Variants in TMC2 observed in about 807,000 individuals in gnomAD.
The protein encoded by TMC2 is transmembrane channel like 2.
TMC2 carries 102 observed loss-of-function variants against 105.9 expected under a neutral mutation model. The observed-to-expected ratio is 0.96, with a 90% CI of 0.82 to 1.14. The LOEUF (loss-of-function observed/expected upper bound fraction) is 1.14, where lower values mean the gene tolerates loss of function less well. Ranked by LOEUF, TMC2 falls within the 50% of genes most tolerant of loss-of-function variation. The pLI, the probability that TMC2 is intolerant of heterozygous loss-of-function variation, is 0.00. For missense variants in TMC2, 1,093 were observed against 1,134.3 expected (o/e 0.96, Z 0.52); for synonymous variants, 402 against 422.8 (o/e 0.95, Z 0.60).
At chr20:2,567,091 T>C (rs560820765) in intron 4 of TMC2, among the ~76,000 whole-genome samples, 1 of 152,130 alleles carries the variant, frequency 6.6e-6, no homozygotes, top group Non-Finnish European at 1.5e-5. Flanking sequence ...GGAGGCTGAG[T>C]GGGAAGCAGG....
intron 2 of TMC2, among the ~76,000 whole-genome samples, chr20:2,548,482 T>C (rs1372838706): frequency 6.6e-6 from 1 of 151,470 alleles, no homozygotes; most frequent in Non-Finnish European, 1.5e-5. Flanking sequence ...CTACTAAAAA[T>C]AGAAAATTAG....
intron 2 of TMC2, among the ~76,000 whole-genome samples, chr20:2,538,613 C>T (rs1021144386): frequency 6.6e-6 from 1 of 152,180 alleles, no homozygotes; most frequent in Non-Finnish European, 1.5e-5. Flanking sequence ...CTGTGCGGGA[C>T]TCCCCTGTGA....
chr20:2,635,979 C>A lies in TMC2; in HGVS notation c.2360C>A (p.Ala787Asp). The A allele has an allele frequency of 1.9e-6, 3 of 1,614,000 alleles. No homozygotes were observed. The highest frequency in any genetic ancestry group is 2.5e-6 in the Non-Finnish European group (3 of 1,179,902). ...SVSKSLSRANAQLRKKIQVLR... is the reference protein window; with the variant it reads ...SVSKSLSRANDQLRKKIQVLR... ...TCCAAAAGCCTTTCCCGAGCTAATG[C>A]CCAGCTGAGGAAGAAAATCCAAGTG... Residue 787 changes from alanine to aspartate, a missense_variant, in exon 18 of 20, where the codon GCC (alanine) becomes GAC (aspartate). Ala to Asp is a moderately radical substitution (Grantham distance 126). Transcript: ENST00000358864.
At chr20:2,537,227 C>A (rs771588752) in intron 1 of TMC2, 42 bp from the exon 2 acceptor site, 1 of 1,572,146 alleles carries the variant, frequency 6.4e-7, no homozygotes. Context: ...GAGGGGGACT[C>A]ACCAGAGGCC....
In TMC2 at chr20:2,602,221, G is replaced by A. The variant is rs1265790424; in HGVS notation, c.1333G>A (p.Gly445Arg). 6.2e-7 allele frequency: 1 copy of A among 1,613,478 alleles called. No homozygotes were observed. Among genetic ancestry groups the A allele is most frequent in the African/African-American group, 1.3e-5 (1 of 74,894 alleles). ...CATCATCTGCTGTTTGTGTGGAAGT[G>A]GGTACCTCATTTACTTTGTGGTTAA... ...FLIICCLCGS[G>R]YLIYFVVKRS... is the part of the protein sequence containing the mutation. Residue 445 changes from glycine to arginine, a missense_variant, in exon 11 of 20, where the codon GGG becomes AGG. Coordinates refer to ENST00000358864, the MANE Select transcript of TMC2 (RefSeq NM_080751.3).
chr20:2,583,948 G>A (rs879438759), intron 7 of TMC2, among the ~76,000 whole-genome samples: 2 of 152,070 alleles, frequency 1.3e-5, no homozygotes, highest in Non-Finnish European at 2.9e-5. Flanking sequence ...TAACATTTTA[G>A]GGTAATTTGT....
intron 2 of TMC2, among the ~76,000 whole-genome samples, chr20:2,545,629 T>G (rs565984082): frequency 1.3e-5 from 2 of 152,032 alleles, no homozygotes; most frequent in Non-Finnish European, 2.9e-5. Context: ...AGCAGTTAAT[T>G]ATGTAGTTTT....
chr20:2,637,409 CA>C, intron 18 of TMC2, 64 bp from the exon 19 acceptor site: 1 of 972,060 alleles, frequency 1.0e-6, no homozygotes, highest in African/African-American at 1.7e-5. Flanking sequence ...AAATCACTCT[CA>C]ACACCTCTGA....
chr20:2,628,680 T>C (rs1256021102), intron 17 of TMC2, among the ~76,000 whole-genome samples: 2 of 152,192 alleles, frequency 1.3e-5, no homozygotes, highest in African/African-American at 4.8e-5. Context: ...AGAAGGTGCC[T>C]TGCTTCCCCT....
chr20:2,611,954 A>G (rs531972507), intron 12 of TMC2, among the ~76,000 whole-genome samples: 1 of 152,064 alleles, frequency 6.6e-6, no homozygotes, highest in Non-Finnish European at 1.5e-5. Flanking sequence ...GGATGGACAG[A>G]CGGACAGATG....
rs146256273 is a variant in TMC2, at chr20:2,585,781, C to T, written c.834+5725C>T. Among the ~76,000 whole-genome samples, 950 of 152,326 alleles carry T rather than the reference C, an allele frequency of 6.2e-3. 3 individuals carry two copies. Among genetic ancestry groups the T allele is most frequent in the African/African-American group, 0.021 (885 of 41,566 alleles). On this transcript the variant is annotated intron_variant, in intron 7 of 19. Coordinates refer to ENST00000358864, the MANE Select transcript of TMC2 (RefSeq NM_080751.3). ...ACATGAGTTTTTCCATAGGCAAGCT[C>T]ATAAGGTGGCAGCTTTCTTCTCCCA...
At chr20:2,567,726 T>C (rs1325772362) in intron 4 of TMC2, among the ~76,000 whole-genome samples, 1 of 151,978 alleles carries the variant, frequency 6.6e-6, no homozygotes, top group Non-Finnish European at 1.5e-5. Context: ...ATCATAAAAA[T>C]GCTTCAATGA....
At chr20:2,632,054 CT>C (rs1382224333) in intron 17 of TMC2, among the ~76,000 whole-genome samples, 1 of 149,736 alleles carries the variant, frequency 6.7e-6, no homozygotes, top group Non-Finnish European at 1.5e-5. Context: ...TGGTGTCTCA[CT>C]CTGTCACCCA....
intron 7 of TMC2, among the ~76,000 whole-genome samples, chr20:2,589,830 C>T (rs1039750927): frequency 3.9e-5 from 6 of 152,192 alleles, no homozygotes; most frequent in Admixed American, 6.5e-5. Flanking sequence ...CCACCATGCC[C>T]GGCTAATTTT....
chr20:2,567,243 G>T (rs1242905772), intron 4 of TMC2, among the ~76,000 whole-genome samples: 1 of 152,200 alleles, frequency 6.6e-6, no homozygotes, highest in Non-Finnish European at 1.5e-5. Flanking sequence ...CTGCTCAGCG[G>T]TAACAAGGAG....
chr20:2,579,188 C>A lies in TMC2; in HGVS notation c.688C>A (p.Gln230Lys). 1 of 1,602,998 alleles carries A rather than the reference C, an allele frequency of 6.2e-7. No individual in the cohort carries two copies. The highest frequency in any genetic ancestry group is 8.5e-7 in the Non-Finnish European group (1 of 1,170,102). The change falls in exon 6 of 20, where the codon CAA becomes AAA. Residue 230 changes from glutamine to lysine, a missense_variant. Gln to Lys is a moderately conservative substitution (Grantham distance 53, BLOSUM62 1). Transcript: ENST00000358864. ...FKRDFDNFKT[Q>K]CIPWEMKIKD... ...GAGAGACTTTGATAATTTCAAGACT[C>A]AATGTATCCCCTGGGAAATGAAGAT...
chr20:2,583,350 G>C (rs1790281222), intron 7 of TMC2, among the ~76,000 whole-genome samples: 2 of 152,220 alleles, frequency 1.3e-5, no homozygotes, highest in Admixed American at 1.3e-4. Context: ...TAATGAAGCA[G>C]TCTGACAGAT....
chr20:2,570,881 C>CA (rs1008878556), intron 4 of TMC2, among the ~76,000 whole-genome samples: 2 of 151,976 alleles, frequency 1.3e-5, no homozygotes, highest in African/African-American at 4.8e-5. Flanking sequence ...ATAAAATCAA[C>CA]AAAAAACAAG....
intron 12 of TMC2, 111 bp from the exon 13 acceptor site, chr20:2,612,080 G>A: frequency 9.0e-7 from 1 of 1,115,456 alleles, no homozygotes; most frequent in East Asian, 2.5e-5. Context: ...CCAGGGGAGA[G>A]CAGAAGCTAG....
Sources: gnomAD v4.1 joint callset for allele counts (sites outside exome capture counted in the v4.1 genomes callset) on GRCh38, gnomAD v4.1.1 for gene constraint, MANE v1.5 for transcripts, NCBI Gene and HGNC (gene_info 2026-07-23, HGNC 2026-07-21) for gene names.